GREB1L: variants seen among roughly 807,000 people sequenced by gnomAD.
The protein encoded by GREB1L is GREB1 like retinoic acid receptor coactivator.
In GREB1L, 17 loss-of-function variants were observed where a neutral mutation model predicts 200.8. The ratio of observed to expected loss-of-function variants is 0.08; its 90% CI spans 0.06 to 0.13. The LOEUF (loss-of-function observed/expected upper bound fraction) is 0.13, where lower values mean the gene tolerates loss of function less well. GREB1L is among the 10% of genes least tolerant of loss of function. The probability of loss-of-function intolerance (pLI) is 1.00; values close to 1 mark genes in which losing one functional copy is unlikely to be tolerated. For missense variants in GREB1L, 1,657 were observed against 2,367.7 expected (o/e 0.70, Z 6.23); for synonymous variants, 789 against 893.0 (o/e 0.88, Z 2.08).
At chr18:21,498,316 G>A (rs1568061180) in intron 21 of GREB1L, among the ~76,000 whole-genome samples, 2 of 152,168 alleles carry the variant, frequency 1.3e-5, no homozygotes, top group Non-Finnish European at 2.9e-5. Flanking sequence ...TCAGCCTGGA[G>A]TTGCTGGAGC....
chr18:21,262,173 G>A (rs2037899558), intron 1 of GREB1L, among the ~76,000 whole-genome samples: 1 of 152,052 alleles, frequency 6.6e-6, no homozygotes, highest in Non-Finnish European at 1.5e-5. Context: ...TTTTTCTCCT[G>A]TTTACTCCGT....
At position 21,508,175 on chromosome 18, in the gene GREB1L, G is replaced by A; in HGVS notation, c.4426G>A (p.Val1476Ile). Residue 1476 changes from valine (V) to isoleucine (I), a missense_variant, in exon 26 of 33, where the codon GTT becomes ATT. This residue lies in a region of GREB1L where 512 missense variants were observed against 668.3 expected (regional missense o/e 0.77). Transcript: ENST00000424526. ...CTCTTCTTCTATGCTGGGAGAAGAG[G>A]TTCAGCTCTATTTCATCATTCCCAA... Reference protein sequence around the residue: ...TFSSSMLGEEVQLYFIIPKSK... With the variant: ...TFSSSMLGEEIQLYFIIPKSK... 6.4e-7 allele frequency: 1 copy of A among 1,551,476 alleles called. No individual in the cohort carries two copies. The highest frequency in any genetic ancestry group is 8.7e-7 in the Non-Finnish European group (1 of 1,146,890).
intron 1 of GREB1L, among the ~76,000 whole-genome samples, chr18:21,321,643 C>T (rs1415612770): frequency 3.3e-5 from 5 of 151,700 alleles, no homozygotes; most frequent in Admixed American, 6.6e-5. Flanking sequence ...GCTGAGATTG[C>T]GCCATTGCAC....
intron 1 of GREB1L, among the ~76,000 whole-genome samples, chr18:21,338,941 C>G (rs2039228182): frequency 6.6e-6 from 1 of 152,212 alleles, no homozygotes; most frequent in Non-Finnish European, 1.5e-5. Context: ...GTAATCCTAG[C>G]ACTTTGGGAG....
intron 1 of GREB1L, among the ~76,000 whole-genome samples, chr18:21,301,247 C>T (rs1446279623): frequency 6.6e-6 from 1 of 152,160 alleles, no homozygotes; most frequent in Non-Finnish European, 1.5e-5. Context: ...AAGCTGACAA[C>T]AGGTTATTTT....
chr18:21,270,862 G>T (rs1363490513), intron 1 of GREB1L, among the ~76,000 whole-genome samples: 1 of 152,116 alleles, frequency 6.6e-6, no homozygotes, highest in East Asian at 1.9e-4. Context: ...GTACTCAACC[G>T]AGTACATTGT....
chr18:21,320,120 T>C (rs1256332928), intron 1 of GREB1L, among the ~76,000 whole-genome samples: 1 of 152,176 alleles, frequency 6.6e-6, no homozygotes, highest in Non-Finnish European at 1.5e-5. Flanking sequence ...CAGTTCTACA[T>C]GAATCTGCTA....
chr18:21,477,324 A>G lies in GREB1L; in HGVS notation c.2524A>G (p.Asn842Asp). The G allele has an allele frequency of 1.3e-6, 2 of 1,551,312 alleles. No individual in the cohort carries two copies. Among genetic ancestry groups the G allele is most frequent in the Non-Finnish European group, 1.7e-6 (2 of 1,146,768 alleles). Residue 842 changes from asparagine (N) to aspartate (D), a missense_variant, in exon 17 of 33, where the codon AAT becomes GAT. Asn to Asp is a conservative substitution (Grantham distance 23). Coordinates refer to ENST00000424526, the MANE Select transcript of GREB1L (RefSeq NM_001142966.3). ...CCAACAGTCCCGCATTAGCTCTAGC[A>G]ATGAGGTTCACTGGATACAGCTGGA... The part of the protein sequence containing the change: ...QTQQSRISSS[N>D]EVHWIQLDTG...
chr18:21,242,812 G>A (rs951514477), intron 1 of GREB1L, among the ~76,000 whole-genome samples: 11 of 152,134 alleles, frequency 7.2e-5, no homozygotes, highest in African/African-American at 2.7e-4. Flanking sequence ...CGGCGAGGGG[G>A]CACCTGGTTC....
intron 2 of GREB1L, among the ~76,000 whole-genome samples, chr18:21,377,361 T>C (rs958839182): frequency 6.6e-6 from 1 of 152,206 alleles, no homozygotes; most frequent in African/African-American, 2.4e-5. Flanking sequence ...AAAAAAGTAG[T>C]AATGCACTCT....
At chr18:21,378,039 T>G (rs1265115731) in intron 2 of GREB1L, among the ~76,000 whole-genome samples, 3 of 152,192 alleles carry the variant, frequency 2.0e-5, no homozygotes, top group Admixed American at 1.3e-4. Context: ...AAGTTGCCTT[T>G]CTTTTTGCAT....
At chr18:21,327,085 G>A (rs1205904723) in intron 1 of GREB1L, among the ~76,000 whole-genome samples, 4 of 152,114 alleles carry the variant, frequency 2.6e-5, no homozygotes, top group African/African-American at 7.2e-5. Flanking sequence ...GGATTCCTTC[G>A]GAAAAGAAGT....
In GREB1L at chr18:21,383,658, A is replaced by G; in HGVS notation, c.140A>G (p.His47Arg). ...FSQLYLDPDQ[H>R]PFSSADVKPK... ...CAGCTATACCTGGACCCTGACCAGCATCCTTTCTCATCTGCAGGTAAGTTT... is the reference window on the plus strand; with the variant it reads ...CAGCTATACCTGGACCCTGACCAGCGTCCTTTCTCATCTGCAGGTAAGTTT... The change falls in exon 3 of 33, where the codon CAT becomes CGT. Residue 47 changes from histidine to arginine, a missense_variant. Physicochemically the swap from His to Arg is conservative, Grantham distance 29. Transcript: ENST00000424526. 6.5e-7 allele frequency: 1 copy of G among 1,550,104 alleles called. No individual in the cohort carries two copies.
intron 1 of GREB1L, among the ~76,000 whole-genome samples, chr18:21,346,481 T>C (rs2039347282): frequency 6.6e-6 from 1 of 151,940 alleles, no homozygotes; most frequent in Admixed American, 6.6e-5. Context: ...TTTCCATCTT[T>C]CTTTCCTAAC....
rs748949475 is a variant in GREB1L, at chr18:21,500,527, ATCTT to A, written c.3970-10_3970-7del. 1.1e-5 allele frequency: 17 copies of A among 1,521,026 alleles called. No individual in the cohort carries two copies. The highest frequency in any genetic ancestry group is 1.4e-5 in the Non-Finnish European group (16 of 1,120,056). 94.2% of individuals were successfully genotyped at this position (1,521,026 alleles called of 1,614,324 possible). ...CGCCTCCACTCCTCCCCAATTAAAA[ATCTT>A]TCCATTAGGTGGGAAAGACGGGCTC... On this transcript the variant is annotated splice_polypyrimidine_tract_variant and intron_variant, in intron 22 of 32. Transcript: ENST00000424526.
intron 23 of GREB1L, among the ~76,000 whole-genome samples, chr18:21,503,262 AGTG>A (rs1420972439): frequency 6.6e-6 from 1 of 151,986 alleles, no homozygotes; most frequent in East Asian, 1.9e-4. Context: ...GCTGGAGTGC[AGTG>A]GTATGATCTC....
intron 3 of GREB1L, among the ~76,000 whole-genome samples, chr18:21,384,005 C>T (rs1271297590): frequency 1.3e-5 from 2 of 152,198 alleles, no homozygotes; most frequent in East Asian, 1.9e-4. Flanking sequence ...TGAGCCACTG[C>T]ACCCGGCCAC....
At chr18:21,341,515 G>A (rs935474945) in intron 1 of GREB1L, among the ~76,000 whole-genome samples, 4 of 152,118 alleles carry the variant, frequency 2.6e-5, no homozygotes, top group African/African-American at 9.7e-5. Flanking sequence ...GGGACTATCG[G>A]CATACACCAC....
In GREB1L at chr18:21,522,648, T is replaced by C; in HGVS notation, c.5609-10T>C. 1 of 1,542,042 alleles carries C rather than the reference T, an allele frequency of 6.5e-7. No individual in the cohort carries two copies. Among genetic ancestry groups the C allele is most frequent in the Non-Finnish European group, 8.8e-7 (1 of 1,141,978 alleles). ...GAGCCTAGGACATATTTCTGTCTTTTTTCCTGAAGGTGCTACACTGTGTGT... is the reference window on the plus strand; with the variant it reads ...GAGCCTAGGACATATTTCTGTCTTTCTTCCTGAAGGTGCTACACTGTGTGT... On this transcript the variant is annotated splice_polypyrimidine_tract_variant and intron_variant, in intron 32 of 32. Transcript: ENST00000424526.
Sources: allele counts gnomAD v4.1 joint callset (sites outside exome capture counted in the v4.1 genomes callset), GRCh38; gene constraint gnomAD v4.1.1; regional missense constraint gnomAD v4.1.1; transcripts MANE v1.5; gene names NCBI Gene and HGNC (gene_info 2026-07-23, HGNC 2026-07-21).